Variants in TBC1D19 observed in about 807,000 individuals in gnomAD.
TBC1D19 encodes TBC1 domain family, member 19.
A neutral mutation model predicts 89.0 loss-of-function variants in TBC1D19; 60 were observed. The ratio of observed to expected loss-of-function variants is 0.67; its 90% confidence interval spans 0.55 to 0.84. The LOEUF is 0.84. Ranked by LOEUF, TBC1D19 falls within the 40% of genes least tolerant of loss-of-function variation. TBC1D19 has a pLI of 0.00. For synonymous variants in TBC1D19, 189 were observed against 199.7 expected (o/e 0.95, Z 0.45); for missense variants, 500 against 610.8 (o/e 0.82, Z 1.91).
chr4:26,717,339 A>G (rs1480682641), intron 13 of TBC1D19, among the ~76,000 whole-genome samples: 1 of 151,808 alleles, frequency 6.6e-6, no homozygotes, highest in Non-Finnish European at 1.5e-5. Context: ...TCAATCTAGT[A>G]CCTCCTAATG....
chr4:26,809,827 AC>A, the TBC1D19 span, among the ~76,000 whole-genome samples: 1 of 151,858 alleles, frequency 6.6e-6, no homozygotes, highest in African/African-American at 2.4e-5. Flanking sequence ...CTCTTCCATT[AC>A]CCCCTTGAGC....
Position 26,735,387 on chromosome 4 carries a change from C to A in TBC1D19, c.1085-68C>A, listed in dbSNP as rs550192685. 1.1e-4 allele frequency: 145 copies of A among 1,313,006 alleles called. 1 individual carries two copies. In the African/African-American group the frequency reaches 1.9e-3, roughly 17 times the overall value. The allele number at this position is 1,313,006 out of a possible 1,614,324, so 81.3% of individuals were successfully genotyped here. On this transcript the variant is annotated intron_variant, in intron 15 of 20. Coordinates refer to ENST00000264866, the MANE Select transcript of TBC1D19 (RefSeq NM_018317.4). ...AAACCTTTTTATTGTCAGTTTTAAT[C>A]TTTTAAAGCTTACCTAATAATCAGT...
chr4:26,599,437 T>A (rs1740448192), intron 1 of TBC1D19, among the ~76,000 whole-genome samples: 1 of 152,204 alleles, frequency 6.6e-6, no homozygotes, highest in South Asian at 2.1e-4. Context: ...GTTGGAAATA[T>A]AAAATCACAC....
intron 8 of TBC1D19, 77 bp from the exon 9 acceptor site, chr4:26,666,255 GT>G: frequency 8.4e-7 from 1 of 1,189,302 alleles, no homozygotes; most frequent in South Asian, 1.3e-5. Flanking sequence ...TCAAGCTAAT[GT>G]TAAGGCAAAG....
At chr4:26,780,080 CT>C in the TBC1D19 span, among the ~76,000 whole-genome samples, 1 of 152,244 alleles carries the variant, frequency 6.6e-6, no homozygotes, top group Non-Finnish European at 1.5e-5. Context: ...CAGAATTCCA[CT>C]GGGCCAAAAG....
chr4:26,774,518 G>T, the TBC1D19 span, among the ~76,000 whole-genome samples: 1 of 152,162 alleles, frequency 6.6e-6, no homozygotes, highest in Non-Finnish European at 1.5e-5. Flanking sequence ...TACTGGTCTT[G>T]AACATCTCTT....
At chr4:26,666,309 A>T (rs1444291697) in intron 8 of TBC1D19, 24 bp from the exon 9 acceptor site, 3 of 1,591,088 alleles carry the variant, frequency 1.9e-6, no homozygotes, top group Admixed American at 3.3e-5. Flanking sequence ...GATCTATGTT[A>T]ATTCTACGTA....
At chr4:26,795,242 A>G in the TBC1D19 span, among the ~76,000 whole-genome samples, 3 of 146,394 alleles carry the variant, frequency 2.0e-5, no homozygotes, top group African/African-American at 4.9e-5. Context: ...TCCCAGCTCT[A>G]CAAAGGCTCT....
the TBC1D19 span, among the ~76,000 whole-genome samples, chr4:26,811,291 C>A: frequency 6.6e-6 from 1 of 152,190 alleles, no homozygotes; most frequent in East Asian, 1.9e-4. Flanking sequence ...CACTCATAAG[C>A]AGGAGCTGAA....
the TBC1D19 span, among the ~76,000 whole-genome samples, chr4:26,831,046 A>G: frequency 2.0e-5 from 3 of 152,226 alleles, no homozygotes. Context: ...TTTATTATTT[A>G]GGTTGCATGT....
exon 1 of TBC1D19, chr4:26,576,785 C>T (rs1440715992): frequency 2.2e-6 from 1 of 456,188 alleles, no homozygotes; most frequent in Admixed American, 2.3e-5. Flanking sequence ...TAAAATAAGA[C>T]TCTGGGATGA....
the TBC1D19 span, among the ~76,000 whole-genome samples, chr4:26,769,903 A>G: frequency 6.6e-6 from 1 of 152,122 alleles, no homozygotes; most frequent in East Asian, 1.9e-4. Context: ...GTAGACTGTG[A>G]TAAGTTAAAT....
chr4:26,600,068 G>A (rs1167396931), intron 1 of TBC1D19, among the ~76,000 whole-genome samples: 1 of 151,818 alleles, frequency 6.6e-6, no homozygotes, highest in Non-Finnish European at 1.5e-5. Context: ...TATTTCAAAT[G>A]GATGTTGTGT....
At chr4:26,817,981 A>ATATATATATATATATATGT in the TBC1D19 span, among the ~76,000 whole-genome samples, 1 of 126,080 alleles carries the variant, frequency 7.9e-6, no homozygotes. Context: ...AAAAAAAAAA[A>ATATATATATATATATATGT]ATATATATAT....
At chr4:26,815,985 A>AC in the TBC1D19 span, among the ~76,000 whole-genome samples, 7 of 152,192 alleles carry the variant, frequency 4.6e-5, no homozygotes, top group Admixed American at 2.6e-4. Context: ...GAACTGAAGC[A>AC]CCATTCAGAG....
chr4:26,681,722 A>G (rs1577925944), intron 11 of TBC1D19, among the ~76,000 whole-genome samples: 2 of 152,348 alleles, frequency 1.3e-5, no homozygotes. Flanking sequence ...TGACAAATCT[A>G]TACCACAGCT....
intron 7 of TBC1D19, among the ~76,000 whole-genome samples, chr4:26,646,255 C>G (rs1743938443): frequency 6.6e-6 from 1 of 151,800 alleles, no homozygotes. Flanking sequence ...CAAATCAAAA[C>G]CACAATGAGA....
intron 10 of TBC1D19, among the ~76,000 whole-genome samples, chr4:26,673,442 T>TACACACACACACACAC (rs1167477111): frequency 0.017 from 242 of 14,662 alleles, no homozygotes; most frequent in African/African-American, 0.024. Context: ...TATATATATA[T>TACACACACACACACAC]ATATACACAC....
chr4:26,591,212 T>C (rs953392908), intron 1 of TBC1D19, among the ~76,000 whole-genome samples: 1 of 152,136 alleles, frequency 6.6e-6, no homozygotes, highest in African/African-American at 2.4e-5. Context: ...CTCTCTGTCT[T>C]TTTGTGGCTT....
Sources: allele counts gnomAD v4.1 joint callset (sites outside exome capture counted in the v4.1 genomes callset), GRCh38; gene constraint gnomAD v4.1.1; transcripts MANE v1.5; gene names NCBI Gene and HGNC (gene_info 2026-07-23, HGNC 2026-07-21).